The following PITPNA variants were observed in gnomAD, a reference collection of about 807,000 sequenced individuals.
PITPNA encodes the protein phosphatidylinositol transfer protein alpha.
A neutral mutation model predicts 50.3 loss-of-function variants in PITPNA; 13 were observed. The ratio of observed to expected loss-of-function variants is 0.26; its 90% CI spans 0.17 to 0.41. PITPNA has a LOEUF of 0.41. Among genes scored for constraint, PITPNA ranks in the 10% least tolerant of loss-of-function variants. PITPNA has a pLI of 1.00. For synonymous variants in PITPNA, 120 were observed against 119.6 expected, an observed-to-expected ratio of 1.00 and a Z score of -0.02; for missense variants, 207 against 333.4, an observed-to-expected ratio of 0.62 and a Z score of 2.95.
intron 7 of PITPNA, chr17:1,538,628 A>C: frequency 2.3e-6 from 1 of 437,966 alleles, no homozygotes; most frequent in Non-Finnish European, 4.1e-6. Context: ...TACAATACCT[A>C]CTTAGTCCAG....
intron 2 of PITPNA, among the ~76,000 whole-genome samples, chr17:1,558,182 G>A (rs2075747517): frequency 7.0e-6 from 1 of 142,236 alleles, no homozygotes; most frequent in Non-Finnish European, 1.5e-5. Flanking sequence ...AGTGAGCGGA[G>A]ATCGCACCAC....
At chr17:1,535,645 G>A in intron 7 of PITPNA, 127 bp from the exon 8 acceptor site, 1 of 699,246 alleles carries the variant, frequency 1.4e-6, no homozygotes, top group Non-Finnish European at 2.6e-6. Context: ...AGCAAATATG[G>A]GAAAATGTTA....
intron 7 of PITPNA, among the ~76,000 whole-genome samples, chr17:1,536,890 G>A (rs2075620958): frequency 6.8e-6 from 1 of 146,012 alleles, no homozygotes; most frequent in East Asian, 2.0e-4. Context: ...ACTATGTCCG[G>A]CCGATTTTTT....
At chr17:1,560,204 A>G (rs2075761039) in intron 1 of PITPNA, among the ~76,000 whole-genome samples, 2 of 152,252 alleles carry the variant, frequency 1.3e-5, no homozygotes, top group Middle Eastern at 6.8e-3. Context: ...ACGGCTGCAC[A>G]CTCTGACACT....
chr17:1,526,588 C>T (rs956161141), intron 10 of PITPNA, among the ~76,000 whole-genome samples: 11 of 152,272 alleles, frequency 7.2e-5, no homozygotes, highest in East Asian at 1.9e-4. Flanking sequence ...CCTTCTCAGC[C>T]GGCTCCTTAC....
chr17:1,541,956 T>G (rs1386269198), intron 5 of PITPNA, among the ~76,000 whole-genome samples: 1 of 151,880 alleles, frequency 6.6e-6, no homozygotes, highest in Non-Finnish European at 1.5e-5. Context: ...TCTCAGCACT[T>G]TGGGAGGCCG....
chr17:1,522,695 C>A (rs1405323802), intron 10 of PITPNA, among the ~76,000 whole-genome samples: 1 of 152,208 alleles, frequency 6.6e-6, no homozygotes, highest in Non-Finnish European at 1.5e-5. Context: ...CTCTTTAGTG[C>A]TAGGGACTTC....
At position 1,534,119 on chromosome 17, in the gene PITPNA, T is replaced by C; in HGVS notation, c.748A>G (p.Thr250Ala). The C allele has an allele frequency of 6.2e-7, 1 of 1,613,786 alleles. No homozygotes were observed. The highest frequency in any genetic ancestry group is 8.5e-7 in the Non-Finnish European group (1 of 1,179,796). Residue 250 changes from threonine (T) to alanine (A), a missense_variant, in exon 10 of 12, where the codon ACG becomes GCG. By Grantham distance (58) the Thr-to-Ala change is moderately conservative. Transcript: ENST00000313486. Reference sequence around the variant, plus strand: ...CTTACTTCATCCAGCTGTCTCTTCGTCTCTTCTTCCATCCTTCGAATGTCG... The same window carrying C: ...CTTACTTCATCCAGCTGTCTCTTCGCCTCTTCTTCCATCCTTCGAATGTCG... ...MDDIRRMEEE[T>A]KRQLDEMRQK...
chr17:1,525,809 C>T (rs538817994), intron 10 of PITPNA, among the ~76,000 whole-genome samples: 7 of 152,304 alleles, frequency 4.6e-5, no homozygotes, highest in East Asian at 3.9e-4. Flanking sequence ...TGAGCCATCA[C>T]GCATGGCCAG....
chr17:1,539,019 G>T (rs2075633789), intron 6 of PITPNA, 67 bp from the exon 7 acceptor site: 1 of 974,612 alleles, frequency 1.0e-6, no homozygotes. Flanking sequence ...TAGCCAGAAT[G>T]GACACCTAGG....
chr17:1,546,569 A>G (rs906199524), intron 4 of PITPNA, among the ~76,000 whole-genome samples: 1 of 152,206 alleles, frequency 6.6e-6, no homozygotes. Flanking sequence ...AGGACAGGTC[A>G]GCAGAGGCTG....
chr17:1,554,300 C>A (rs2075724088), intron 2 of PITPNA, among the ~76,000 whole-genome samples: 1 of 151,070 alleles, frequency 6.6e-6, no homozygotes, highest in Non-Finnish European at 1.5e-5. Flanking sequence ...GATTACCCAA[C>A]ATGCTGGGGG....
intron 3 of PITPNA, among the ~76,000 whole-genome samples, chr17:1,550,482 C>T (rs971093728): frequency 1.3e-5 from 2 of 151,758 alleles, no homozygotes; most frequent in Admixed American, 6.6e-5. Context: ...GGTGCAGGTA[C>T]AAGGTGGGGA....
At chr17:1,545,051 A>G (rs1395135019) in intron 4 of PITPNA, among the ~76,000 whole-genome samples, 1 of 151,160 alleles carries the variant, frequency 6.6e-6, no homozygotes, top group African/African-American at 2.5e-5. Flanking sequence ...TACTGTATCC[A>G]GCCGAGGACT....
intron 10 of PITPNA, among the ~76,000 whole-genome samples, chr17:1,532,299 A>G (rs914771181): frequency 1.3e-5 from 2 of 151,996 alleles, no homozygotes; most frequent in African/African-American, 2.4e-5. Context: ...ATGTTGGCCA[A>G]GTTGGTCTCA....
intron 1 of PITPNA, among the ~76,000 whole-genome samples, chr17:1,561,957 T>A (rs915040931): frequency 6.6e-6 from 1 of 151,862 alleles, no homozygotes; most frequent in Non-Finnish European, 1.5e-5. Context: ...CCTGCCCCGG[T>A]GCGCCTCTTC....
In PITPNA at chr17:1,525,896, G is replaced by A. The variant is rs1356888464; in HGVS notation, c.769-4251C>T. On this transcript the variant is annotated intron_variant, in intron 10 of 11. Coordinates refer to ENST00000313486, the MANE Select transcript of PITPNA (RefSeq NM_006224.4). ...CATTTGTGTGAACATGATATATGAC[G>A]CAGATACAGAAATAACTATAAATGT... 3.3e-5 allele frequency among the ~76,000 whole-genome samples: 5 copies of A among 152,306 alleles called. No individual in the cohort carries two copies. In the East Asian group the frequency reaches 9.6e-4, roughly 29 times the overall value.
intron 10 of PITPNA, among the ~76,000 whole-genome samples, chr17:1,527,134 C>A (rs1330442888): frequency 6.6e-6 from 1 of 152,146 alleles, no homozygotes; most frequent in Non-Finnish European, 1.5e-5. Flanking sequence ...AGAGATTTAT[C>A]TGATGTTTGT....
intron 10 of PITPNA, among the ~76,000 whole-genome samples, chr17:1,533,795 C>T (rs917267696): frequency 2.6e-5 from 4 of 152,172 alleles, no homozygotes; most frequent in Admixed American, 1.3e-4. Context: ...CAGCCCCGCA[C>T]GCTCTTTCCC....
Sources: allele counts gnomAD v4.1 joint callset (sites outside exome capture counted in the v4.1 genomes callset), GRCh38; gene constraint gnomAD v4.1.1; transcripts MANE v1.5; gene names NCBI Gene and HGNC (gene_info 2026-07-23, HGNC 2026-07-21).